NAA38: variants seen among roughly 807,000 people sequenced by gnomAD.
The protein encoded by NAA38 is LSM domain containing 1.
In NAA38, 15 loss-of-function variants were observed where a neutral mutation model predicts 12.6. The ratio of observed to expected loss-of-function variants is 1.19; its 90% CI spans 0.79 to 1.83. The LOEUF (loss-of-function observed/expected upper bound fraction) is 1.83, where lower values mean the gene tolerates loss of function less well. NAA38 is among the 40% of genes most tolerant of loss of function. NAA38 has a pLI of 0.00. For synonymous variants in NAA38, 88 were observed against 69.9 expected, an observed-to-expected ratio of 1.26 and a Z score of -1.29; for missense variants, 183 against 171.7, an observed-to-expected ratio of 1.07 and a Z score of -0.37.
intron 1 of NAA38, chr17:7,884,932 C>A: frequency 7.2e-7 from 1 of 1,391,160 alleles, no homozygotes; most frequent in Admixed American, 2.4e-5. Context: ...CCGACGAGGA[C>A]GATGAGGAGG....
upstream of NAA38, chr17:7,858,809 G>A (rs763877215): frequency 1.1e-5 from 17 of 1,553,652 alleles, no homozygotes; most frequent in Non-Finnish European, 1.3e-5. Context: ...TCACGTCGCA[G>A]GAGCACACAC....
chr17:7,885,301 CCCTCCCCCGCCGCCG>C (rs1309938004), upstream of NAA38: 3 of 137,462 alleles, frequency 2.2e-5, no homozygotes, highest in African/African-American at 1.1e-4. Context: ...CCCGCCGCAC[CCCTCCCCCGCCGCCG>C]CCGCCGCCGC....
intron 1 of NAA38, chr17:7,884,836 G>C (rs1967490187): frequency 1.9e-6 from 2 of 1,033,366 alleles, no homozygotes; most frequent in Non-Finnish European, 2.7e-6. Context: ...ACGAGGAGGA[G>C]GAGGAGGAGG....
At chr17:7,881,801 G>C (rs1967277376) in intron 2 of NAA38, among the ~76,000 whole-genome samples, 1 of 150,950 alleles carries the variant, frequency 6.6e-6, no homozygotes, top group African/African-American at 2.4e-5. Context: ...CAAACCGAGA[G>C]ATGCAGGCTA....
chr17:7,858,085 G>A (rs754001265), upstream of NAA38: 4 of 1,607,548 alleles, frequency 2.5e-6, no homozygotes, highest in South Asian at 4.4e-5. Flanking sequence ...AGTACGTGCT[G>A]AGGAGCAAAG....
At chr17:7,877,548 G>A (rs1481149590) in intron 2 of NAA38, among the ~76,000 whole-genome samples, 1 of 152,142 alleles carries the variant, frequency 6.6e-6, no homozygotes, top group Non-Finnish European at 1.5e-5. Flanking sequence ...CTGCTGTGTA[G>A]TTTGTTTAGC....
chr17:7,858,595 C>G, upstream of NAA38: 1 of 1,606,854 alleles, frequency 6.2e-7, no homozygotes, highest in Non-Finnish European at 8.5e-7. Flanking sequence ...GCCCCAAACC[C>G]TCCTTTAAAG....
intron 2 of NAA38, among the ~76,000 whole-genome samples, chr17:7,873,065 TA>T (rs1442454267): frequency 6.6e-6 from 1 of 152,138 alleles, no homozygotes; most frequent in African/African-American, 2.4e-5. Context: ...CTAACGACCT[TA>T]AAAGGGTAAT....
At chr17:7,857,560 G>A (rs2078837914), upstream of NAA38, 1 of 1,416,892 alleles carries the variant, frequency 7.1e-7, no homozygotes, top group Non-Finnish European at 9.2e-7. Context: ...CTTTCCTTTC[G>A]CGAGATCCCC....
chr17:7,884,713 G>A, intron 1 of NAA38: 1 of 339,866 alleles, frequency 2.9e-6, no homozygotes, highest in Non-Finnish European at 5.1e-6. Context: ...AGGAGGAGGA[G>A]GAGGAGGAGG....
chr17:7,871,115 T>G (rs1967078718), intron 2 of NAA38, among the ~76,000 whole-genome samples: 1 of 152,234 alleles, frequency 6.6e-6, no homozygotes, highest in Non-Finnish European at 1.5e-5. Flanking sequence ...TAAAGCCAGC[T>G]TCTTTCTCAA....
intron 2 of NAA38, among the ~76,000 whole-genome samples, chr17:7,871,360 A>G (rs981939771): frequency 9.2e-5 from 14 of 152,226 alleles, no homozygotes; most frequent in Non-Finnish European, 5.9e-5. Flanking sequence ...TTAAGTACTT[A>G]GTTCCTGGAT....
chr17:7,876,762 C>T (rs1967181330), intron 2 of NAA38, among the ~76,000 whole-genome samples: 1 of 152,072 alleles, frequency 6.6e-6, no homozygotes, highest in South Asian at 2.1e-4. Flanking sequence ...TAGTCAATCT[C>T]TTGATCACTA....
chr17:7,857,083 C>T lies in NAA38; in HGVS notation c.197G>A (p.Cys66Tyr). The T allele has an allele frequency of 6.2e-7, 1 of 1,613,560 alleles. No homozygotes were observed. The highest frequency in any genetic ancestry group is 8.5e-7 in the Non-Finnish European group (1 of 1,180,044). ...GCAGTCACGGTCAGTGCAGAGGAAG[C>T]AGCCGACCAGTGTCCGTCCATCTGT... Reference protein sequence around the residue: ...RMTDGRTLVGCFLCTDRDCNV... With the variant: ...RMTDGRTLVGYFLCTDRDCNV... Residue 66 changes from cysteine (C) to tyrosine (Y), a missense_variant, in exon 2 of 3, where the codon TGC (cysteine) becomes TAC (tyrosine). Transcript: ENST00000575771.
intron 2 of NAA38, among the ~76,000 whole-genome samples, chr17:7,870,828 G>A (rs1452683270): frequency 1.3e-5 from 2 of 151,594 alleles, no homozygotes; most frequent in Non-Finnish European, 2.9e-5. Context: ...TGGAGGTTTC[G>A]GTGAGCCGAG....
At chr17:7,884,537 GA>G (rs1325355825) in intron 1 of NAA38, among the ~76,000 whole-genome samples, 1 of 135,264 alleles carries the variant, frequency 7.4e-6, no homozygotes, top group Non-Finnish European at 1.6e-5. Flanking sequence ...AAGAGAGAAG[GA>G]AAAAAAGTCT....
chr17:7,857,304 G>C (rs1272462101), intron 1 of NAA38, 79 bp downstream of exon 1: 1 of 1,612,116 alleles, frequency 6.2e-7, no homozygotes, highest in South Asian at 1.1e-5. Flanking sequence ...CCCAGAGGCT[G>C]CCGGGAGCTG....
chr17:7,860,809 T>C (rs1361097308), upstream of NAA38: 1 of 152,126 alleles, frequency 6.6e-6, no homozygotes, highest in African/African-American at 2.4e-5. Context: ...TTGGGGCTAC[T>C]TCTTTGTTAA....
upstream of NAA38, chr17:7,857,662 G>A (rs916592268): frequency 7.5e-7 from 1 of 1,339,918 alleles, no homozygotes. Context: ...AGCGTACTAC[G>A]CCGGATGTCT....
Sources: allele counts gnomAD v4.1 joint callset (sites outside exome capture counted in the v4.1 genomes callset), GRCh38; gene constraint gnomAD v4.1.1; transcripts MANE v1.5; gene names NCBI Gene and HGNC (gene_info 2026-07-23, HGNC 2026-07-21).